Variants in DPP6 observed in about 807,000 individuals in gnomAD.
The protein encoded by DPP6 is A-type potassium channel modulatory protein DPP6.
Under a neutral mutation model 122.6 loss-of-function variants are expected in DPP6, and 69 were observed. That is an observed-to-expected ratio of 0.56 (90% CI 0.46 to 0.69). The LOEUF (loss-of-function observed/expected upper bound fraction) is 0.69. Among genes scored for constraint, DPP6 ranks in the 30% least tolerant of loss-of-function variants. The pLI is 0.00. For synonymous variants in DPP6, 418 were observed against 433.1 expected (o/e 0.97, Z 0.43); for missense variants, 928 against 1,116.9 (o/e 0.83, Z 2.41).
At chr7:154,298,748 C>T (rs980943319) in intron 1 of DPP6, among the ~76,000 whole-genome samples, 7 of 152,138 alleles carry the variant, frequency 4.6e-5, no homozygotes, top group Non-Finnish European at 5.9e-5. Context: ...GCTGTGGCCC[C>T]GGCAGCTCTC....
At chr7:154,522,172 C>T (rs1365745694) in intron 3 of DPP6, among the ~76,000 whole-genome samples, 1 of 152,072 alleles carries the variant, frequency 6.6e-6, no homozygotes, top group African/African-American at 2.4e-5. Flanking sequence ...GACGGGGTTT[C>T]ACCGCGTTAG....
chr7:154,591,391 G>C (rs1046028602), intron 5 of DPP6, among the ~76,000 whole-genome samples: 1 of 152,162 alleles, frequency 6.6e-6, no homozygotes, highest in Non-Finnish European at 1.5e-5. Flanking sequence ...GTCATGAGGA[G>C]GATGAGGATG....
Position 154,801,463 on chromosome 7 carries a change from G to T in DPP6, c.1407+1G>T. On this transcript the variant is annotated splice_donor_variant, in intron 13 of 25. Coordinates refer to ENST00000377770, the MANE Select transcript of DPP6 (RefSeq NM_130797.4). LOFTEE classifies it high-confidence loss of function. Reference sequence around the variant, plus strand: ...TCACATCACGGTGTCCTCGTCCCAGGTAAGTCCTGCTAGTTTCCGGAGCTG... The same window carrying T: ...TCACATCACGGTGTCCTCGTCCCAGTTAAGTCCTGCTAGTTTCCGGAGCTG... The T allele has an allele frequency of 6.4e-7, 1 of 1,571,692 alleles. No homozygotes were observed. Among genetic ancestry groups the T allele is most frequent in the Non-Finnish European group, 8.6e-7 (1 of 1,156,942 alleles).
At chr7:154,049,069 C>A (rs1800162457), upstream of DPP6, among the ~76,000 whole-genome samples, 1 of 150,752 alleles carries the variant, frequency 6.6e-6, no homozygotes, top group Non-Finnish European at 1.5e-5. Context: ...TTTGGAGCAG[C>A]ATGGAAGAAT....
chr7:153,827,822 C>T, the DPP6 span, among the ~76,000 whole-genome samples: 6 of 152,152 alleles, frequency 3.9e-5, no homozygotes, highest in African/African-American at 1.2e-4. Context: ...TCAGGGGCTG[C>T]GCTCCCCGTG....
chr7:153,999,149 G>A (rs1797575918), intron 1 of DPP6, among the ~76,000 whole-genome samples: 1 of 152,194 alleles, frequency 6.6e-6, no homozygotes, highest in Admixed American at 6.5e-5. Context: ...AGTTTGTCCA[G>A]GACCTGAGCT....
chr7:154,122,324 G>T (rs1420637329), intron 1 of DPP6, among the ~76,000 whole-genome samples: 1 of 152,178 alleles, frequency 6.6e-6, no homozygotes, highest in Non-Finnish European at 1.5e-5. Context: ...AAAGAATTTC[G>T]TGTACTGAGG....
At chr7:154,273,803 C>T (rs948303919) in intron 1 of DPP6, among the ~76,000 whole-genome samples, 3 of 152,200 alleles carry the variant, frequency 2.0e-5, no homozygotes, top group Admixed American at 6.5e-5. Flanking sequence ...AGCAAAGAAA[C>T]AGTTACAGCA....
At chr7:154,343,773 G>A (rs1247239978) in intron 1 of DPP6, among the ~76,000 whole-genome samples, 1 of 152,092 alleles carries the variant, frequency 6.6e-6, no homozygotes, top group Non-Finnish European at 1.5e-5. Context: ...TACAGATGGG[G>A]TTTCACCATG....
intron 6 of DPP6, among the ~76,000 whole-genome samples, chr7:154,650,521 G>T (rs951958888): frequency 2.0e-5 from 3 of 152,194 alleles, no homozygotes; most frequent in Non-Finnish European, 4.4e-5. Context: ...AAGAAGATAA[G>T]CCATGGTGTT....
At chr7:154,006,475 T>G (rs1451205589) in intron 1 of DPP6, among the ~76,000 whole-genome samples, 3 of 152,176 alleles carry the variant, frequency 2.0e-5, no homozygotes, top group Non-Finnish European at 4.4e-5. Context: ...AACTGCTAAA[T>G]TCAGCTGCCT....
the DPP6 span, among the ~76,000 whole-genome samples, chr7:153,821,881 ATCT>A: frequency 6.6e-6 from 1 of 151,122 alleles, no homozygotes; most frequent in African/African-American, 2.4e-5. Context: ...GATGAAGTAA[ATCT>A]TCTAATTCAG....
At chr7:154,832,170 C>T (rs989560942) in intron 16 of DPP6, among the ~76,000 whole-genome samples, 3 of 152,160 alleles carry the variant, frequency 2.0e-5, no homozygotes, top group East Asian at 3.9e-4. Flanking sequence ...TGAGTGGCTG[C>T]CGTATGCCAG....
At chr7:154,566,060 G>A (rs1173078418) in intron 4 of DPP6, among the ~76,000 whole-genome samples, 2 of 152,180 alleles carry the variant, frequency 1.3e-5, no homozygotes, top group Non-Finnish European at 2.9e-5. Context: ...GAAGGAAAAA[G>A]TCACAGTTAG....
intron 1 of DPP6, among the ~76,000 whole-genome samples, chr7:154,367,765 C>T (rs1812303702): frequency 6.6e-6 from 1 of 152,174 alleles, no homozygotes; most frequent in Admixed American, 6.5e-5. Context: ...ATCTTCATTT[C>T]AATTGTGTGT....
At chr7:154,175,751 G>A (rs7799262) in intron 1 of DPP6, among the ~76,000 whole-genome samples, 116,711 of 148,170 alleles carry the variant, frequency 0.79, 46,165 homozygotes, top group East Asian at 0.95. Flanking sequence ...GCGGAGTCTC[G>A]GTCTGTCGCC....
intron 5 of DPP6, among the ~76,000 whole-genome samples, chr7:154,584,814 G>C (rs1425935713): frequency 6.6e-6 from 1 of 152,180 alleles, no homozygotes; most frequent in East Asian, 1.9e-4. Flanking sequence ...CATGCACAAA[G>C]CCTGCCTCTA....
At chr7:154,384,088 G>A (rs1009810298) in intron 1 of DPP6, among the ~76,000 whole-genome samples, 6 of 151,918 alleles carry the variant, frequency 3.9e-5, no homozygotes, top group South Asian at 2.1e-4. Context: ...TCAGTCTCCC[G>A]GGTGCTCCCT....
chr7:154,624,757 T>A lies in DPP6; in HGVS notation c.628-13064T>A, dbSNP rs117485788. Among the ~76,000 whole-genome samples, 6 of 152,278 alleles carry A rather than the reference T, an allele frequency of 3.9e-5. No individual in the cohort carries two copies. The East Asian group carries it at 1.2e-3, about 29-fold the overall frequency. ...TGTCTCCCAGGAAGAAACCTGTTAA[T>A]CTGCACCATGTCAGGGACCCCACCC... On this transcript the variant is annotated intron_variant, in intron 5 of 25. Transcript: ENST00000377770. This position sits in a 1 kb window ranked among gnomAD's most constrained non-coding sequence, Gnocchi z 4.7.
Sources: allele counts gnomAD v4.1 joint callset (sites outside exome capture counted in the v4.1 genomes callset), GRCh38; gene constraint gnomAD v4.1.1; non-coding constraint Gnocchi (gnomAD v3.1); transcripts MANE v1.5; gene names NCBI Gene and HGNC (gene_info 2026-07-23, HGNC 2026-07-21).